DNM3: variants seen among roughly 807,000 people sequenced by gnomAD.
DNM3 encodes dynamin 3, also known as dynamin-3.
Under a neutral mutation model 101.6 loss-of-function variants are expected in DNM3, and 47 were observed. That is an observed-to-expected ratio of 0.46 (90% confidence interval 0.37 to 0.59). The LOEUF (loss-of-function observed/expected upper bound fraction) is 0.59. Among genes scored for constraint, DNM3 ranks in the 20% least tolerant of loss-of-function variants. The probability of loss-of-function intolerance (pLI) is 0.00; values close to 1 mark genes in which losing one functional copy is unlikely to be tolerated. For synonymous variants in DNM3, 385 were observed against 387.9 expected (o/e 0.99, Z 0.09); for missense variants, 849 against 1,085.7 (o/e 0.78, Z 3.06).
At chr1:172,173,261 G>T (rs747280657) in intron 14 of DNM3, among the ~76,000 whole-genome samples, 4 of 151,730 alleles carry the variant, frequency 2.6e-5, no homozygotes, top group Non-Finnish European at 5.9e-5. Flanking sequence ...CAGTTGCTAA[G>T]GGAGTTGAGA....
intron 14 of DNM3, among the ~76,000 whole-genome samples, chr1:172,176,374 A>C (rs557668904): frequency 1.3e-5 from 2 of 151,976 alleles, no homozygotes; most frequent in South Asian, 4.2e-4. Context: ...GACCCATTTT[A>C]GACTTATGAT....
intron 17 of DNM3, among the ~76,000 whole-genome samples, chr1:172,325,121 C>A (rs2065887868): frequency 6.6e-6 from 1 of 152,010 alleles, no homozygotes; most frequent in African/African-American, 2.4e-5. Flanking sequence ...CTTCTGGATC[C>A]AAAAAATATT....
intron 1 of DNM3, among the ~76,000 whole-genome samples, chr1:171,848,380 A>G (rs1162491878): frequency 4.9e-4 from 74 of 152,090 alleles, no homozygotes; most frequent in Admixed American, 4.9e-3. Context: ...AGTTAATTTG[A>G]CTGAAATAGT....
At chr1:172,243,982 A>T (rs965358557) in intron 14 of DNM3, among the ~76,000 whole-genome samples, 5 of 152,116 alleles carry the variant, frequency 3.3e-5, no homozygotes, top group Non-Finnish European at 7.4e-5. Context: ...GTCATCTAGC[A>T]TTAGGTATAT....
chr1:172,005,485 C>T (rs890596347), intron 4 of DNM3, among the ~76,000 whole-genome samples: 2 of 152,050 alleles, frequency 1.3e-5, no homozygotes, highest in African/African-American at 4.8e-5. Context: ...ATTACACTTC[C>T]TTCTTTCCCT....
chr1:172,187,731 A>G (rs2059574984), intron 14 of DNM3, among the ~76,000 whole-genome samples: 1 of 151,978 alleles, frequency 6.6e-6, no homozygotes, highest in Admixed American at 6.6e-5. Context: ...GATGGTTTGC[A>G]TTGTTACAAA....
rs1391074919 is a variant in DNM3, at chr1:172,231,505, A to G, written c.1660-22068A>G. On this transcript the variant is annotated intron_variant, in intron 14 of 20. Transcript: ENST00000627582. ...CATAAAGATGGGGAAAAAACAGAGC[A>G]GAAAAACTGCAAATTCTAAAAATCA... 3.9e-5 allele frequency among the ~76,000 whole-genome samples: 6 copies of G among 152,192 alleles called. No individual in the cohort carries two copies. The East Asian group carries it at 1.2e-3, about 29-fold the overall frequency.
rs141523896 is a variant in DNM3 at position 171,884,899 on chromosome 1, G to A, written c.162-36849G>A. ...TTGTGTGAGAGCACTACAAAAGGGT[G>A]TGAATACAGGGATGTGTGAGCAAAT... On this transcript the variant is annotated intron_variant, in intron 1 of 20. Transcript: ENST00000627582. Among the ~76,000 whole-genome samples the A allele has an allele frequency of 2.3e-3, 344 of 152,322 alleles. 4 individuals carry two copies. The highest frequency in any genetic ancestry group is 0.016 in the East Asian group (83 of 5,188).
intron 1 of DNM3, among the ~76,000 whole-genome samples, chr1:171,876,980 G>A (rs2035844831): frequency 6.6e-6 from 1 of 152,132 alleles, no homozygotes; most frequent in African/African-American, 2.4e-5. Context: ...AAATACTTGT[G>A]TTCTATTTTA....
intron 14 of DNM3, among the ~76,000 whole-genome samples, chr1:172,209,649 C>T (rs2060445407): frequency 6.6e-6 from 1 of 151,926 alleles, no homozygotes; most frequent in Non-Finnish European, 1.5e-5. Context: ...TGACGGTGCT[C>T]CTACCTTGGT....
chr1:171,989,842 CA>C (rs1414435810), intron 4 of DNM3, among the ~76,000 whole-genome samples: 2 of 152,082 alleles, frequency 1.3e-5, no homozygotes, highest in African/African-American at 4.8e-5. Context: ...ACATGTTCTT[CA>C]GTTCTAGGAA....
intron 15 of DNM3, among the ~76,000 whole-genome samples, chr1:172,278,812 G>T (rs2148776669): frequency 6.6e-6 from 1 of 152,208 alleles, no homozygotes; most frequent in East Asian, 1.9e-4. Context: ...GACTAGAGAA[G>T]AACCCCAGCA....
chr1:171,852,883 TTTTGTTTG>T (rs147720795), intron 1 of DNM3, among the ~76,000 whole-genome samples: 238 of 151,938 alleles, frequency 1.6e-3, no homozygotes, highest in East Asian at 4.5e-3. Flanking sequence ...TTTGAAGGTT[TTTTGTTTG>T]TTTGTTTGTT....
chr1:172,274,512 T>A (rs2063204163), intron 15 of DNM3, among the ~76,000 whole-genome samples: 1 of 152,048 alleles, frequency 6.6e-6, no homozygotes, highest in South Asian at 2.1e-4. Context: ...GGTAAAGATA[T>A]CATGCATACC....
intron 4 of DNM3, among the ~76,000 whole-genome samples, chr1:171,991,871 A>G (rs1300241928): frequency 6.6e-6 from 1 of 152,232 alleles, no homozygotes; most frequent in East Asian, 1.9e-4. Flanking sequence ...GCGTACCGCA[A>G]TATGACAATC....
At chr1:172,120,091 A>T (rs1025243448) in intron 13 of DNM3, among the ~76,000 whole-genome samples, 2 of 152,190 alleles carry the variant, frequency 1.3e-5, no homozygotes, top group Non-Finnish European at 2.9e-5. Flanking sequence ...GCAAATATGT[A>T]TTAGTCTGTT....
intron 2 of DNM3, among the ~76,000 whole-genome samples, chr1:171,929,286 G>T (rs1469981484): frequency 1.3e-5 from 2 of 151,932 alleles, no homozygotes; most frequent in Non-Finnish European, 2.9e-5. Flanking sequence ...GAACACCAGT[G>T]GGGATAGCTA....
intron 16 of DNM3, among the ~76,000 whole-genome samples, chr1:172,314,971 C>A (rs1573428079): frequency 1.3e-5 from 2 of 152,344 alleles, no homozygotes; most frequent in South Asian, 2.1e-4. Context: ...TCCCGAGCAG[C>A]CTAACTGGGA....
intron 1 of DNM3, among the ~76,000 whole-genome samples, chr1:171,846,835 C>T (rs986279870): frequency 4.6e-5 from 7 of 152,158 alleles, no homozygotes; most frequent in South Asian, 2.1e-4. Flanking sequence ...ATAAAGTAGA[C>T]GGAAAAAAGG....
Sources: allele counts gnomAD v4.1 joint callset (sites outside exome capture counted in the v4.1 genomes callset), GRCh38; gene constraint gnomAD v4.1.1; transcripts MANE v1.5; gene names NCBI Gene and HGNC (gene_info 2026-07-23, HGNC 2026-07-21).